The following RIMBP2 variants were observed in gnomAD, a reference collection of about 807,000 sequenced individuals.
RIMBP2 encodes RIMS-binding protein 2.
A neutral mutation model predicts 118.6 loss-of-function variants in RIMBP2; 48 were observed. The observed-to-expected ratio is 0.40, with a 90% confidence interval of 0.32 to 0.51. RIMBP2 has a LOEUF of 0.51. RIMBP2 is among the 20% of genes least tolerant of loss of function. The pLI, the probability that RIMBP2 is intolerant of heterozygous loss-of-function variation, is 0.41. For missense variants in RIMBP2, 1,551 were observed against 1,768.3 expected (o/e 0.88, Z 2.20); for synonymous variants, 762 against 742.9 (o/e 1.03, Z -0.42).
Position 130,412,745 on chromosome 12 carries a change from T to C in RIMBP2, c.3463A>G (p.Thr1155Ala), listed in dbSNP as rs753181626. The change falls in exon 19 of 23, where the codon ACC becomes GCC. Residue 1155 changes from threonine to alanine, a missense_variant. Around this residue, in one of 5 missense-constraint regions of RIMBP2, gnomAD observed 1,038 missense variants for 1,125.1 expected, o/e 0.92. Coordinates refer to ENST00000690449, the MANE Select transcript of RIMBP2 (RefSeq NM_001393629.1). ...GGAATAAGGCCAAGCCGGGCACAGG[T>C]TTCCCCACGGTAGAATCCATCAGCG... Reference protein sequence around the residue: ...KDADGFYRGETCARLGLIPCN... With the variant: ...KDADGFYRGEACARLGLIPCN... 18 of 1,613,580 alleles carry C rather than the reference T, an allele frequency of 1.1e-5. No homozygotes were observed. Among genetic ancestry groups the C allele is most frequent in the Middle Eastern group, 3.3e-4 (2 of 6,082 alleles).
chr12:130,441,401 AAATAATAATAAT>A lies in RIMBP2; in HGVS notation c.1504+435_1504+446del, dbSNP rs58605863. Among the ~76,000 whole-genome samples the A allele has an allele frequency of 6.1e-3, 753 of 122,872 alleles. 5 individuals carry two copies. The highest frequency in any genetic ancestry group is 0.023 in the Middle Eastern group (5 of 218). The allele number at this position is 122,872 out of a possible 152,430, so 80.6% of individuals were successfully genotyped here. ...GGGTGACAGAGCGAGACTCCATCTCAAATAATAATAATAATAATAATAATAATAATAATAATA... is the reference window on the plus strand; with the variant it reads ...GGGTGACAGAGCGAGACTCCATCTCAAATAATAATAATAATAATAATAATA... On this transcript the variant is annotated intron_variant, in intron 11 of 22. Coordinates refer to ENST00000690449, the MANE Select transcript of RIMBP2 (RefSeq NM_001393629.1).
At chr12:130,666,871 A>G (rs533119971) in intron 1 of RIMBP2, among the ~76,000 whole-genome samples, 136 of 114,730 alleles carry the variant, frequency 1.2e-3, no homozygotes, top group South Asian at 3.9e-3. Context: ...AGGGAGGGAG[A>G]GAAGGAAGAA....
intron 1 of RIMBP2, among the ~76,000 whole-genome samples, chr12:130,711,635 T>C (rs1328122659): frequency 6.6e-6 from 1 of 152,234 alleles, no homozygotes; most frequent in Admixed American, 6.5e-5. Context: ...TTCTCACACA[T>C]ATGAAAATAA....
At chr12:130,678,960 A>G (rs1469556910) in intron 1 of RIMBP2, among the ~76,000 whole-genome samples, 1 of 152,202 alleles carries the variant, frequency 6.6e-6, no homozygotes, top group Non-Finnish European at 1.5e-5. Flanking sequence ...AAGTGATGAA[A>G]ATATCTTGGA....
intron 11 of RIMBP2, among the ~76,000 whole-genome samples, chr12:130,441,070 G>A (rs1364781987): frequency 3.3e-5 from 5 of 152,080 alleles, no homozygotes; most frequent in Non-Finnish European, 5.9e-5. Flanking sequence ...TTCACATCGC[G>A]GCGAAAATAG....
intron 4 of RIMBP2, among the ~76,000 whole-genome samples, chr12:130,479,441 G>A (rs570358382): frequency 6.6e-6 from 1 of 152,346 alleles, no homozygotes; most frequent in South Asian, 2.1e-4. Flanking sequence ...CTGCATTTAA[G>A]TCATATCATC....
intron 2 of RIMBP2, among the ~76,000 whole-genome samples, chr12:130,594,288 A>C (rs2059432729): frequency 1.3e-5 from 2 of 152,248 alleles, no homozygotes; most frequent in African/African-American, 4.8e-5. Flanking sequence ...AGCTCTTGCC[A>C]GAGAACTGTC....
intron 6 of RIMBP2, among the ~76,000 whole-genome samples, chr12:130,468,753 G>A (rs998493720): frequency 5.3e-5 from 8 of 152,166 alleles, no homozygotes; most frequent in African/African-American, 9.7e-5. Context: ...AGGGTTATCC[G>A]CTAGGCTCTC....
At chr12:130,503,229 A>G (rs12310001) in intron 4 of RIMBP2, among the ~76,000 whole-genome samples, 35,519 of 121,596 alleles carry the variant, frequency 0.29, 4,517 homozygotes, top group Non-Finnish European at 0.35. Context: ...TCCACTAAAA[A>G]TACAAAAAAA....
chr12:130,587,143 C>T (rs2058942001), intron 2 of RIMBP2, among the ~76,000 whole-genome samples: 1 of 150,904 alleles, frequency 6.6e-6, no homozygotes, highest in Non-Finnish European at 1.5e-5. Flanking sequence ...CATCTCACAC[C>T]AGTTAGAATG....
intron 1 of RIMBP2, among the ~76,000 whole-genome samples, chr12:130,656,114 G>A (rs2136303472): frequency 6.6e-6 from 1 of 152,348 alleles, no homozygotes; most frequent in East Asian, 1.9e-4. Flanking sequence ...TCTGCCAGCA[G>A]AATAAAGAGA....
At chr12:130,640,332 C>CTGGAAAAT (rs2062561783) in intron 1 of RIMBP2, among the ~76,000 whole-genome samples, 1 of 152,144 alleles carries the variant, frequency 6.6e-6, no homozygotes, top group Non-Finnish European at 1.5e-5. Context: ...AATTTTGCTC[C>CTGGAAAAT]CACTAAAGGC....
intron 1 of RIMBP2, among the ~76,000 whole-genome samples, chr12:130,643,423 A>G (rs901698): frequency 0.98 from 148,765 of 152,286 alleles, 72,755 homozygotes; most frequent in East Asian, 1. Flanking sequence ...CCATGGAAGC[A>G]CAGAGATGAA....
chr12:130,695,543 A>G (rs1173386279), intron 1 of RIMBP2, among the ~76,000 whole-genome samples: 1 of 152,160 alleles, frequency 6.6e-6, no homozygotes, highest in African/African-American at 2.4e-5. Context: ...GGAGTTGAAG[A>G]CCAACCTGGG....
chr12:130,583,709 C>T (rs2140220748), intron 2 of RIMBP2, among the ~76,000 whole-genome samples: 1 of 148,860 alleles, frequency 6.7e-6, no homozygotes, highest in East Asian at 2.0e-4. Context: ...ATCACCACCA[C>T]CGCCATCACC....
chr12:130,462,919 C>G (rs952127141), intron 6 of RIMBP2, among the ~76,000 whole-genome samples: 13 of 152,238 alleles, frequency 8.5e-5, no homozygotes, highest in African/African-American at 3.1e-4. Context: ...ACAGCCTCCC[C>G]CACCTCAAAT....
chr12:130,685,108 A>C (rs1172058294), intron 1 of RIMBP2, among the ~76,000 whole-genome samples: 1 of 152,094 alleles, frequency 6.6e-6, no homozygotes, highest in Non-Finnish European at 1.5e-5. Flanking sequence ...ACCTTCCTAA[A>C]TGGCAGCCAC....
At chr12:130,503,800 G>A (rs1295774635) in intron 4 of RIMBP2, among the ~76,000 whole-genome samples, 1 of 152,106 alleles carries the variant, frequency 6.6e-6, no homozygotes, top group Non-Finnish European at 1.5e-5. Flanking sequence ...TGAGAATCTT[G>A]GAGTAACTAT....
chr12:130,442,502 G>A lies in RIMBP2; in HGVS notation c.850C>T (p.Leu284Phe). ...GCATCTATGTGGGTTGGGGAGTGGAGGTCCAGGATGTGCTCTCCCTCCAGG... is the reference window on the plus strand; with the variant it reads ...GCATCTATGTGGGTTGGGGAGTGGAAGTCCAGGATGTGCTCTCCCTCCAGG... ...IGLEGEHILD[L>F]HSPTHIDAGI... The change falls in exon 11 of 23, where the codon CTC becomes TTC. Residue 284 changes from leucine to phenylalanine, a missense_variant. Around this residue, in one of 5 missense-constraint regions of RIMBP2, gnomAD observed 265 missense variants for 349.5 expected, o/e 0.76. Coordinates refer to ENST00000690449, the MANE Select transcript of RIMBP2 (RefSeq NM_001393629.1). This position sits in a 1 kb window ranked among gnomAD's most constrained non-coding sequence, Gnocchi z 6.9. 6.2e-7 allele frequency: 1 copy of A among 1,614,166 alleles called. No homozygotes were observed. The highest frequency in any genetic ancestry group is 8.5e-7 in the Non-Finnish European group (1 of 1,180,032).
Sources: gnomAD v4.1 joint callset for allele counts (sites outside exome capture counted in the v4.1 genomes callset) on GRCh38, gnomAD v4.1.1 for gene constraint, gnomAD v4.1.1 regional missense constraint, Gnocchi (gnomAD v3.1) non-coding constraint, MANE v1.5 for transcripts, NCBI Gene and HGNC (gene_info 2026-07-23, HGNC 2026-07-21) for gene names.